Variants in UGGT2 observed in about 807,000 individuals in gnomAD.
UGGT2 encodes the protein UDP-glucose glycoprotein glucosyltransferase 2.
In UGGT2, 180 loss-of-function variants were observed where a neutral mutation model predicts 192.1. That is an observed-to-expected ratio of 0.94 (90% CI 0.83 to 1.06). The LOEUF is 1.06. Among genes scored for constraint, UGGT2 ranks in the 50% least tolerant of loss-of-function variants. The pLI is 0.00. For missense variants in UGGT2, 1,849 were observed against 1,795.7 expected (o/e 1.03, Z -0.54); for synonymous variants, 580 against 591.0 (o/e 0.98, Z 0.27).
intron 38 of UGGT2, among the ~76,000 whole-genome samples, chr13:95,827,689 G>C (rs953889882): frequency 6.6e-6 from 1 of 152,240 alleles, no homozygotes. Context: ...TCCTTATAGA[G>C]TTAAACAAGA....
chr13:96,005,198 C>T (rs949188831), intron 5 of UGGT2, among the ~76,000 whole-genome samples: 2 of 151,790 alleles, frequency 1.3e-5, no homozygotes, highest in South Asian at 2.1e-4. Context: ...GCAGAAGGAA[C>T]GAGAATGATA....
At chr13:95,947,766 A>C (rs1178746702) in intron 14 of UGGT2, among the ~76,000 whole-genome samples, 1 of 152,182 alleles carries the variant, frequency 6.6e-6, no homozygotes, top group Non-Finnish European at 1.5e-5. Context: ...ATAAGTTTCC[A>C]GAGTGATCAG....
At chr13:95,823,138 G>A (rs930494803) in intron 38 of UGGT2, among the ~76,000 whole-genome samples, 9 of 151,998 alleles carry the variant, frequency 5.9e-5, no homozygotes, top group Admixed American at 2.0e-4. Flanking sequence ...TTATTCCACT[G>A]TTGTCTGAGA....
At chr13:95,923,069 A>G (rs1367844163) in intron 20 of UGGT2, among the ~76,000 whole-genome samples, 1 of 151,690 alleles carries the variant, frequency 6.6e-6, no homozygotes, top group Non-Finnish European at 1.5e-5. Flanking sequence ...TCACTGACTA[A>G]TTAATGGGGT....
At position 95,929,568 on chromosome 13, in the gene UGGT2, G is replaced by GT. The variant is rs149427693; in HGVS notation, c.1978-2233dup. Among the ~76,000 whole-genome samples, 221 of 152,300 alleles carry GT rather than the reference G, an allele frequency of 1.5e-3. 1 individual carries two copies. Among genetic ancestry groups the GT allele is most frequent in the African/African-American group, 4.4e-3 (184 of 41,564 alleles). ...ATGCAGTGTTTGGTTTCCTGTTTCT[G>GT]TGTTAGTTTGCTTGGCCTCCAGCTG... On this transcript the variant is annotated intron_variant, in intron 17 of 38. Coordinates refer to ENST00000376747, the MANE Select transcript of UGGT2 (RefSeq NM_020121.4).
Position 95,854,299 on chromosome 13 carries a change from G to T in UGGT2, c.4169+16C>A. ...ATTACTTATTTACTAAATGGTAAGG[G>T]TCTGACTTTTCTTACCTGATATGGT... On this transcript the variant is annotated intron_variant, in intron 35 of 38. Transcript: ENST00000376747. 6.2e-7 allele frequency: 1 copy of T among 1,604,776 alleles called. No individual in the cohort carries two copies. The highest frequency in any genetic ancestry group is 8.5e-7 in the Non-Finnish European group (1 of 1,176,480).
At chr13:95,902,814 T>A in intron 21 of UGGT2, 40 bp downstream of exon 21, 14 of 1,562,140 alleles carry the variant, frequency 9.0e-6, no homozygotes, top group Non-Finnish European at 1.2e-5. Context: ...TTTTAAAATA[T>A]GCAATACATA....
intron 24 of UGGT2, among the ~76,000 whole-genome samples, chr13:95,893,609 A>T (rs2047863539): frequency 6.6e-6 from 1 of 152,196 alleles, no homozygotes; most frequent in Non-Finnish European, 1.5e-5. Context: ...AGAAATTTAC[A>T]TATAAATTTA....
chr13:95,991,538 A>C lies in UGGT2; in HGVS notation c.831-1465T>G, dbSNP rs544175487. On this transcript the variant is annotated intron_variant, in intron 7 of 38. Transcript: ENST00000376747. ...TATGGTAATCTTATAGTTACGAATA[A>C]ATATATATAGTACAGTGTCAATATC... is the stretch of plus-strand genomic sequence containing the variant. 2.5e-5 allele frequency: 11 copies of C among 440,014 alleles called. No homozygotes were observed. In the East Asian group the frequency reaches 7.0e-4, roughly 28 times the overall value. 27.3% of individuals were successfully genotyped at this position (440,014 alleles called of 1,614,324 possible).
intron 12 of UGGT2, among the ~76,000 whole-genome samples, chr13:95,953,670 T>A (rs566887006): frequency 6.2e-4 from 94 of 152,118 alleles, no homozygotes; most frequent in Non-Finnish European, 9.6e-4. Flanking sequence ...ATATTTTATA[T>A]GAAACAATAT....
intron 38 of UGGT2, among the ~76,000 whole-genome samples, chr13:95,814,341 GGGAGCCCA>G (rs1884715613): frequency 5.3e-5 from 8 of 152,222 alleles, no homozygotes; most frequent in Admixed American, 5.2e-4. Context: ...TCAAGGCTTT[GGGAGCCCA>G]CCCTTCATAT....
chr13:95,873,429 C>T (rs1891394077), intron 29 of UGGT2, among the ~76,000 whole-genome samples: 1 of 152,122 alleles, frequency 6.6e-6, no homozygotes, highest in Admixed American at 6.5e-5. Context: ...GCTGCATAGG[C>T]ATTAGAACAT....
At chr13:95,920,455 G>T (rs1473003503) in intron 20 of UGGT2, among the ~76,000 whole-genome samples, 1 of 152,018 alleles carries the variant, frequency 6.6e-6, no homozygotes, top group Non-Finnish European at 1.5e-5. Context: ...CTATCCATCT[G>T]ACCAAGGTCT....
At chr13:95,836,984 G>C (rs146834596) in intron 37 of UGGT2, 102 bp downstream of exon 37, 6 of 924,730 alleles carry the variant, frequency 6.5e-6, no homozygotes, top group Non-Finnish European at 1.0e-5. Context: ...CAGAAGAAGC[G>C]AAGTAATACG....
chr13:95,996,249 C>T, intron 6 of UGGT2, 114 bp from the exon 7 acceptor site: 1 of 882,110 alleles, frequency 1.1e-6, no homozygotes, highest in South Asian at 1.5e-5. Context: ...TGCCTGTAAT[C>T]CCAGCACTTT....
intron 38 of UGGT2, among the ~76,000 whole-genome samples, chr13:95,811,584 T>A (rs541123618): frequency 2.4e-4 from 37 of 152,318 alleles, no homozygotes; most frequent in African/African-American, 8.4e-4. Context: ...GCCATTGAAC[T>A]ATACACTTTG....
intron 5 of UGGT2, among the ~76,000 whole-genome samples, chr13:96,011,765 T>C (rs960820069): frequency 1.3e-5 from 2 of 152,116 alleles, no homozygotes; most frequent in Non-Finnish European, 2.9e-5. Context: ...CTCTGTGTGA[T>C]TGTTGAAACC....
chr13:95,876,090 A>C (rs1194225513), intron 29 of UGGT2, among the ~76,000 whole-genome samples: 4 of 152,170 alleles, frequency 2.6e-5, no homozygotes, highest in Non-Finnish European at 5.9e-5. Context: ...TTTGACAAAG[A>C]CCACATGTGC....
chr13:95,905,182 G>T (rs530388886), intron 20 of UGGT2, among the ~76,000 whole-genome samples: 386 of 152,120 alleles, frequency 2.5e-3, no homozygotes, highest in Non-Finnish European at 4.4e-3. Context: ...ATTCATTGTA[G>T]ATTCTGGATA....
Sources: gnomAD v4.1 joint callset for allele counts (sites outside exome capture counted in the v4.1 genomes callset) on GRCh38, gnomAD v4.1.1 for gene constraint, MANE v1.5 for transcripts, NCBI Gene and HGNC (gene_info 2026-07-23, HGNC 2026-07-21) for gene names.